PPARG: variants seen among roughly 807,000 people sequenced by gnomAD.
The protein encoded by PPARG is peroxisome proliferator activated receptor gamma.
A neutral mutation model predicts 39.2 loss-of-function variants in PPARG; 17 were observed. The observed-to-expected ratio is 0.43, with a 90% CI of 0.30 to 0.65. The LOEUF (loss-of-function observed/expected upper bound fraction) is 0.65, where lower values mean the gene tolerates loss of function less well. PPARG is among the 30% of genes least tolerant of loss of function. The pLI is 0.13. For synonymous variants in PPARG, 223 were observed against 215.7 expected (o/e 1.03, Z -0.30); for missense variants, 406 against 585.9 (o/e 0.69, Z 3.17).
At chr3:12,382,395 T>C (rs1482318295) in intron 4 of PPARG, among the ~76,000 whole-genome samples, 2 of 152,162 alleles carry the variant, frequency 1.3e-5, no homozygotes, top group African/African-American at 4.8e-5. Context: ...ATATACACAA[T>C]GCAAAAATAG....
rs1392765921 is a variant in PPARG, at chr3:12,310,517, G to T, written c.-82-1863G>T. On this transcript the variant is annotated intron_variant, in intron 1 of 7. Transcript: ENST00000651735. Reference sequence around the variant, plus strand: ...CTCGCTCTGTCGCCCAGGCTGGAGTGCAGTGGCGGGATCTCGGCTCACTGC... The same window carrying T: ...CTCGCTCTGTCGCCCAGGCTGGAGTTCAGTGGCGGGATCTCGGCTCACTGC... Among the ~76,000 whole-genome samples the T allele has an allele frequency of 1.3e-4, 10 of 76,568 alleles. 2 individuals carry two copies. The highest frequency in any genetic ancestry group is 2.7e-4 in the Non-Finnish European group (10 of 37,112). The allele number at this position is 76,568 out of a possible 152,430, so 50.2% of individuals were successfully genotyped here.
At chr3:12,337,519 G>A (rs536149226) in intron 2 of PPARG, among the ~76,000 whole-genome samples, 3 of 152,224 alleles carry the variant, frequency 2.0e-5, no homozygotes, top group East Asian at 3.9e-4. Flanking sequence ...TTCATGAAAC[G>A]AAGAGCTCAA....
At chr3:12,398,727 C>A (rs867233761) in intron 5 of PPARG, among the ~76,000 whole-genome samples, 12 of 152,188 alleles carry the variant, frequency 7.9e-5, no homozygotes, top group South Asian at 4.1e-4. Flanking sequence ...GAGATGGTCA[C>A]CAGAATTAAA....
intron 2 of PPARG, among the ~76,000 whole-genome samples, chr3:12,341,252 A>G (rs970577856): frequency 6.6e-6 from 1 of 152,322 alleles, no homozygotes; most frequent in East Asian, 1.9e-4. Flanking sequence ...CCATAGGGCC[A>G]AGGAAAATGG....
rs562732546 is a variant in PPARG at position 12,351,748 on chromosome 3, T to A, written c.-8-27956T>A. On this transcript the variant is annotated intron_variant, in intron 2 of 7. Transcript: ENST00000651735. ...TAAGGGTAAAATTGCTCTTGTAGTT[T>A]GTCTTCCAGGTTGTGTTTGTTTTAA... The A allele has an allele frequency of 3.2e-5, 38 of 1,184,802 alleles. No individual in the cohort carries two copies. The East Asian group carries it at 5.1e-4, about 16-fold the overall frequency. 73.4% of individuals were successfully genotyped at this position (1,184,802 alleles called of 1,614,324 possible). A position where few individuals can be genotyped will look rare whatever the true frequency, so the allele number is the denominator to read the frequency against.
intron 2 of PPARG, among the ~76,000 whole-genome samples, chr3:12,342,795 G>GT (rs768773804): frequency 1.8e-3 from 263 of 142,804 alleles, no homozygotes; most frequent in Middle Eastern, 3.6e-3. Flanking sequence ...ATGAAAGGTG[G>GT]TTTTTTTTTT....
chr3:12,295,457 A>G (rs796210743), intron 1 of PPARG, among the ~76,000 whole-genome samples: 24 of 152,202 alleles, frequency 1.6e-4, no homozygotes, highest in African/African-American at 5.3e-4. Flanking sequence ...TCCTGATTTT[A>G]TTTAAAAGCA....
intron 1 of PPARG, among the ~76,000 whole-genome samples, chr3:12,293,349 TA>T (rs749244904): frequency 1.5e-4 from 22 of 151,568 alleles, no homozygotes; most frequent in Non-Finnish European, 2.1e-4. Context: ...ATGTCACTAT[TA>T]AAAAAAAACC....
At chr3:12,385,578 T>A (rs2049841890) in intron 4 of PPARG, among the ~76,000 whole-genome samples, 1 of 152,180 alleles carries the variant, frequency 6.6e-6, no homozygotes, top group Middle Eastern at 3.2e-3. Context: ...TCCATCCTAT[T>A]TTTTATCTTT....
chr3:12,381,590 C>T, intron 4 of PPARG, 99 bp downstream of exon 4: 1 of 1,288,022 alleles, frequency 7.8e-7, no homozygotes, highest in Non-Finnish European at 1.1e-6. Context: ...AATTTTTTTT[C>T]TTCATGGAAG....
chr3:12,354,834 T>C lies in PPARG; in HGVS notation c.-8-24870T>C, dbSNP rs111672776. Among the ~76,000 whole-genome samples, 301 of 152,222 alleles carry C rather than the reference T, an allele frequency of 2.0e-3. 1 individual carries two copies. Among genetic ancestry groups the C allele is most frequent in the Admixed American group, 4.1e-3 (63 of 15,286 alleles). On this transcript the variant is annotated intron_variant, in intron 2 of 7. Coordinates refer to ENST00000651735, the MANE Select transcript of PPARG (RefSeq NM_138711.6). The stretch of plus-strand genomic sequence containing the variant: ...GAAAAACAAAAACCGCAGAACTCTT[T>C]ATTGCACAAGAGTAAGTGGCAGTTA...
chr3:12,417,902 CTTT>C (rs869086237), intron 7 of PPARG, among the ~76,000 whole-genome samples: 23 of 65,890 alleles, frequency 3.5e-4, no homozygotes, highest in Non-Finnish European at 4.9e-4. Context: ...TTTTTTTTTC[CTTT>C]TTTTTTTTTT....
intron 1 of PPARG, among the ~76,000 whole-genome samples, chr3:12,306,922 C>G (rs1006483099): frequency 1.3e-5 from 2 of 151,978 alleles, no homozygotes; most frequent in Non-Finnish European, 2.9e-5. Flanking sequence ...CACGGTGTAA[C>G]CCCATCTCTA....
intron 6 of PPARG, among the ~76,000 whole-genome samples, chr3:12,415,936 G>GA (rs1363334675): frequency 6.6e-6 from 1 of 152,086 alleles, no homozygotes; most frequent in Admixed American, 6.5e-5. Flanking sequence ...GAAATTTTAA[G>GA]AAAAAAAAAT....
chr3:12,416,602 T>G (rs1391312074), intron 6 of PPARG, 102 bp from the exon 7 acceptor site: 1 of 1,136,876 alleles, frequency 8.8e-7, no homozygotes, highest in South Asian at 1.3e-5. Context: ...AGATTTTAGT[T>G]AGCAAAGCAA....
At chr3:12,353,254 A>G (rs1345373842) in intron 2 of PPARG, among the ~76,000 whole-genome samples, 2 of 152,194 alleles carry the variant, frequency 1.3e-5, no homozygotes, top group African/African-American at 2.4e-5. Flanking sequence ...AAAACATTAT[A>G]TTTTGTACCA....
At chr3:12,395,429 G>T (rs540757067) in intron 5 of PPARG, among the ~76,000 whole-genome samples, 4 of 152,344 alleles carry the variant, frequency 2.6e-5, no homozygotes, top group Admixed American at 2.0e-4. Flanking sequence ...TAGTAATGTA[G>T]CCTGAGAGCA....
At chr3:12,317,486 A>C (rs1004317113) in intron 2 of PPARG, among the ~76,000 whole-genome samples, 1 of 152,092 alleles carries the variant, frequency 6.6e-6, no homozygotes, top group African/African-American at 2.4e-5. Context: ...AGGTCCTATA[A>C]ATTTTTCATT....
chr3:12,303,081 T>G (rs560171482), intron 1 of PPARG, among the ~76,000 whole-genome samples: 28 of 152,326 alleles, frequency 1.8e-4, no homozygotes, highest in African/African-American at 6.5e-4. Flanking sequence ...TGATTTTGCA[T>G]TTCATAGCAA....
Sources: allele counts gnomAD v4.1 joint callset (sites outside exome capture counted in the v4.1 genomes callset), GRCh38; gene constraint gnomAD v4.1.1; transcripts MANE v1.5; gene names NCBI Gene and HGNC (gene_info 2026-07-23, HGNC 2026-07-21).